Variants in ELOVL6 observed in about 807,000 individuals in gnomAD.
ELOVL6 encodes ELOVL fatty acid elongase 6, also known as very long chain fatty acid elongase 6.
ELOVL6 carries 8 observed loss-of-function variants against 31.7 expected under a neutral mutation model. The observed-to-expected ratio is 0.25, with a 90% CI of 0.15 to 0.45. ELOVL6 has a LOEUF of 0.45. Ranked by LOEUF, ELOVL6 falls within the 20% of genes least tolerant of loss-of-function variation. The pLI, the probability that ELOVL6 is intolerant of heterozygous loss-of-function variation, is 1.00. For missense variants in ELOVL6, 126 were observed against 326.4 expected, an observed-to-expected ratio of 0.39 and a Z score of 4.73; for synonymous variants, 101 against 117.7, an observed-to-expected ratio of 0.86 and a Z score of 0.92.
intron 1 of ELOVL6, among the ~76,000 whole-genome samples, chr4:110,153,794 G>GAGCT (rs1437478425): frequency 2.6e-5 from 4 of 152,166 alleles, no homozygotes; most frequent in African/African-American, 7.2e-5. Flanking sequence ...AGGATCCACA[G>GAGCT]AGCTCTCCAG....
intron 2 of ELOVL6, among the ~76,000 whole-genome samples, chr4:110,097,823 A>C (rs2126242842): frequency 6.6e-6 from 1 of 151,928 alleles, no homozygotes; most frequent in East Asian, 1.9e-4. Context: ...TTTCCTATAT[A>C]TCCATTAATT....
At chr4:110,196,907 C>CCGGGCCTCCCGA (rs1759814541) in intron 1 of ELOVL6, among the ~76,000 whole-genome samples, 1 of 152,186 alleles carries the variant, frequency 6.6e-6, no homozygotes, top group African/African-American at 2.4e-5. Context: ...GAAGCGGCGG[C>CCGGGCCTCCCGA]CGGGCCTCCC....
chr4:110,156,967 G>C (rs560443488), intron 1 of ELOVL6, among the ~76,000 whole-genome samples: 16 of 152,194 alleles, frequency 1.1e-4, no homozygotes, highest in Non-Finnish European at 2.2e-4. Flanking sequence ...GCTGGTAAAA[G>C]ATGCAGTTTC....
chr4:110,084,588 A>ATATATATATATATAT (rs1553956261), intron 2 of ELOVL6, among the ~76,000 whole-genome samples: 1 of 29,658 alleles, frequency 3.4e-5, no homozygotes, highest in Non-Finnish European at 5.3e-5. Flanking sequence ...ATATATATAT[A>ATATATATATATATAT]TTTTTTTTTT....
At chr4:110,068,283 A>G (rs1453310971) in intron 2 of ELOVL6, among the ~76,000 whole-genome samples, 1 of 152,210 alleles carries the variant, frequency 6.6e-6, no homozygotes, top group Non-Finnish European at 1.5e-5. Flanking sequence ...TCATATGATG[A>G]TAATCTTGAA....
At chr4:110,084,578 ATATATATATATTTTTTTT>A (rs1560815880) in intron 2 of ELOVL6, among the ~76,000 whole-genome samples, 1 of 50,804 alleles carries the variant, frequency 2.0e-5, no homozygotes, top group African/African-American at 1.5e-4. Flanking sequence ...ATATATATAT[ATATATATATATTTTTTTT>A]TTTTTTTTTT....
chr4:110,046,733 T>C lies in ELOVL6; in HGVS notation c.*4605A>G, dbSNP rs1239066549. 6.6e-6 allele frequency: 1 copy of C among 152,250 alleles called. No homozygotes were observed. The highest frequency in any genetic ancestry group is 2.4e-5 in the African/African-American group (1 of 41,466). 9.4% of individuals were successfully genotyped at this position (152,250 alleles called of 1,614,324 possible). A position where few individuals can be genotyped will look rare whatever the true frequency, so the allele number is the denominator to read the frequency against. ...GTCACAACAGCATTCAAGAAAATGCTGTGACTGCACTGACACTTGTTTTGT... is the reference window on the plus strand; with the variant it reads ...GTCACAACAGCATTCAAGAAAATGCCGTGACTGCACTGACACTTGTTTTGT... On this transcript the variant is annotated 3_prime_UTR_variant, in exon 4 of 4. Transcript: ENST00000302274.
chr4:110,048,555 G>T lies in ELOVL6; in HGVS notation c.*2783C>A, dbSNP rs906778796. ...TTTCTGGAATGTTAACTGGCAGCAG[G>T]ATTATCTATGCAGCAGTCAATTCTC... On this transcript the variant is annotated 3_prime_UTR_variant, in exon 4 of 4. Transcript: ENST00000302274. 5 of 152,118 alleles carry T rather than the reference G, an allele frequency of 3.3e-5. No homozygotes were observed. Among genetic ancestry groups the T allele is most frequent in the African/African-American group, 1.2e-4 (5 of 41,408 alleles). The allele number at this position is 152,118 out of a possible 1,614,324, so 9.4% of individuals were successfully genotyped here. A position where few individuals can be genotyped will look rare whatever the true frequency, so the allele number is the denominator to read the frequency against.
intron 3 of ELOVL6, among the ~76,000 whole-genome samples, chr4:110,053,183 G>A (rs1033753646): frequency 2.0e-5 from 3 of 152,192 alleles, no homozygotes; most frequent in Admixed American, 2.0e-4. Context: ...CTAAAGTGCT[G>A]GGACTATAGG....
chr4:110,065,892 C>G (rs1287415302), intron 2 of ELOVL6, among the ~76,000 whole-genome samples: 2 of 152,104 alleles, frequency 1.3e-5, no homozygotes, highest in East Asian at 3.8e-4. Flanking sequence ...TTACATTGTT[C>G]CCTTATTGAT....
chr4:110,118,249 C>A (rs563387463), intron 1 of ELOVL6, among the ~76,000 whole-genome samples: 2 of 151,848 alleles, frequency 1.3e-5, no homozygotes, highest in South Asian at 4.2e-4. Flanking sequence ...TGAGCCACTG[C>A]GCCTGGCCAG....
At chr4:110,176,381 C>T in intron 1 of ELOVL6, among the ~76,000 whole-genome samples, 1 of 152,078 alleles carries the variant, frequency 6.6e-6, no homozygotes, top group East Asian at 1.9e-4. Flanking sequence ...AGGCTGGTTT[C>T]AAACTCCTGA....
At chr4:110,137,883 C>T (rs767782891) in intron 1 of ELOVL6, among the ~76,000 whole-genome samples, 7 of 152,184 alleles carry the variant, frequency 4.6e-5, no homozygotes, top group Non-Finnish European at 1.0e-4. Context: ...CAGAGCTTAA[C>T]TGTATCTCAT....
At chr4:110,119,387 T>C (rs1350753621) in intron 1 of ELOVL6, among the ~76,000 whole-genome samples, 1 of 152,268 alleles carries the variant, frequency 6.6e-6, no homozygotes. Context: ...CTAAATCTTC[T>C]AACAAAATAT....
rs1422356472 is a variant in ELOVL6 at position 110,115,565 on chromosome 4, G to A, written c.90-9937C>T. ...CCAAGGCCAGCCTGGGTAATATGGT[G>A]AGAACCTGTCTCTACAAAAAAAAAC... On this transcript the variant is annotated intron_variant, in intron 1 of 3. Coordinates refer to ENST00000302274, the MANE Select transcript of ELOVL6 (RefSeq NM_024090.3). Among the ~76,000 whole-genome samples, 3 of 152,156 alleles carry A rather than the reference G, an allele frequency of 2.0e-5. No homozygotes were observed. In the South Asian group the frequency reaches 6.2e-4, roughly 32 times the overall value.
At chr4:110,062,408 G>A (rs916854091) in intron 2 of ELOVL6, among the ~76,000 whole-genome samples, 2 of 152,218 alleles carry the variant, frequency 1.3e-5, no homozygotes, top group South Asian at 4.1e-4. Context: ...TTGTTGGGAT[G>A]TGACAGTGCT....
Position 110,051,921 on chromosome 4 carries a change from C to T in ELOVL6, c.374-159G>A, listed in dbSNP as rs371145298. Among the ~76,000 whole-genome samples, 3 of 152,200 alleles carry T rather than the reference C, an allele frequency of 2.0e-5. No individual in the cohort carries two copies. The highest frequency in any genetic ancestry group is 4.4e-5 in the Non-Finnish European group (3 of 68,032). ...TACTTACTAGCTCTGTGACCCTGGACAAGTTAGTTATCCTCACTATTTCTA... is the reference window on the plus strand; with the variant it reads ...TACTTACTAGCTCTGTGACCCTGGATAAGTTAGTTATCCTCACTATTTCTA... On this transcript the variant is annotated intron_variant, in intron 3 of 3. Transcript: ENST00000302274. The surrounding 1 kb of genome is among the most constrained non-coding windows in gnomAD (Gnocchi z 4.8).
chr4:110,084,558 A>ATATTTT (rs1338095039), intron 2 of ELOVL6, among the ~76,000 whole-genome samples: 1 of 61,706 alleles, frequency 1.6e-5, no homozygotes, highest in African/African-American at 1.2e-4. Flanking sequence ...ACACACACAC[A>ATATTTT]CACAGATATA....
chr4:110,083,920 G>A (rs1179185942), intron 2 of ELOVL6, among the ~76,000 whole-genome samples: 1 of 20,244 alleles, frequency 4.9e-5, no homozygotes, highest in Non-Finnish European at 1.0e-4. Context: ...TAGAGAGAGA[G>A]ATAATATATA....
Sources: gnomAD v4.1 joint callset for allele counts (sites outside exome capture counted in the v4.1 genomes callset) on GRCh38, gnomAD v4.1.1 for gene constraint, Gnocchi (gnomAD v3.1) non-coding constraint, MANE v1.5 for transcripts, NCBI Gene and HGNC (gene_info 2026-07-23, HGNC 2026-07-21) for gene names.